Variants in AFG2A observed in about 807,000 individuals in gnomAD.
AFG2A encodes ATPase family gene 2 protein homolog A.
the AFG2A span, among the ~76,000 whole-genome samples, chr4:122,987,061 A>G: frequency 2.0e-5 from 3 of 152,278 alleles, no homozygotes; most frequent in Non-Finnish European, 2.9e-5. Context: ...GACTCTTATC[A>G]TTATATAATG....
chr4:123,274,552 G>A, the AFG2A span, among the ~76,000 whole-genome samples: 1 of 151,200 alleles, frequency 6.6e-6, no homozygotes, highest in Non-Finnish European at 1.5e-5. Context: ...ATCGTTGCTG[G>A]TTTGGGCAAG....
chr4:123,275,608 G>A, the AFG2A span, among the ~76,000 whole-genome samples: 10 of 151,838 alleles, frequency 6.6e-5, no homozygotes, highest in Admixed American at 1.3e-4. Flanking sequence ...TAATAATCAC[G>A]GTATCTGATA....
At chr4:122,992,798 G>A in the AFG2A span, among the ~76,000 whole-genome samples, 2 of 152,156 alleles carry the variant, frequency 1.3e-5, no homozygotes, top group Admixed American at 6.5e-5. Flanking sequence ...TTCTTTTGGA[G>A]CTTCTGAATG....
the AFG2A span, among the ~76,000 whole-genome samples, chr4:123,148,032 A>G: frequency 1.3e-5 from 2 of 152,226 alleles, no homozygotes. Flanking sequence ...GGAGAAAAAA[A>G]GAGCAGTGTA....
the AFG2A span, among the ~76,000 whole-genome samples, chr4:123,007,575 TGTGTGTGTGTGTGTGTGTG>T: frequency 2.6e-4 from 1 of 3,820 alleles, no homozygotes; most frequent in African/African-American, 4.4e-4. Context: ...TATATGTGTG[TGTGTGTGTGTGTGTGTGTG>T]TGTGTGTGTG....
At chr4:123,171,160 C>T in the AFG2A span, among the ~76,000 whole-genome samples, 24 of 152,236 alleles carry the variant, frequency 1.6e-4, no homozygotes, top group Admixed American at 4.6e-4. Context: ...GTCTGGAACA[C>T]GGAAGTAATA....
At chr4:123,286,119 G>A in the AFG2A span, among the ~76,000 whole-genome samples, 1 of 152,186 alleles carries the variant, frequency 6.6e-6, no homozygotes, top group Admixed American at 6.5e-5. Flanking sequence ...TTAAGCATAG[G>A]TTTTCCTAAG....
the AFG2A span, among the ~76,000 whole-genome samples, chr4:123,223,205 C>T: frequency 6.6e-6 from 1 of 152,102 alleles, no homozygotes; most frequent in African/African-American, 2.4e-5. Flanking sequence ...CTTTTATTGC[C>T]TTTTATTTCT....
At chr4:123,082,527 T>A in the AFG2A span, among the ~76,000 whole-genome samples, 2 of 87,122 alleles carry the variant, frequency 2.3e-5, no homozygotes, top group Non-Finnish European at 5.7e-5. Flanking sequence ...TTTTTTCTTT[T>A]TTTTTTTTTT....
the AFG2A span, among the ~76,000 whole-genome samples, chr4:123,048,983 G>A: frequency 1.3e-5 from 2 of 152,102 alleles, no homozygotes; most frequent in South Asian, 4.1e-4. Flanking sequence ...TGTTCCATAT[G>A]ATAGTAGCTA....
chr4:123,139,302 C>A, the AFG2A span, among the ~76,000 whole-genome samples: 2 of 152,080 alleles, frequency 1.3e-5, no homozygotes, highest in Admixed American at 1.3e-4. Flanking sequence ...CAGAAACATT[C>A]ATTAAAACCA....
chr4:123,114,944 C>T, the AFG2A span, among the ~76,000 whole-genome samples: 4 of 152,148 alleles, frequency 2.6e-5, no homozygotes, highest in Admixed American at 6.5e-5. Context: ...TGGTGGGGCG[C>T]GAGGTTGAGG....
chr4:123,038,066 T>C, the AFG2A span, among the ~76,000 whole-genome samples: 1 of 152,112 alleles, frequency 6.6e-6, no homozygotes, highest in Admixed American at 6.6e-5. Context: ...TCACAGTACT[T>C]GTACTTTAAT....
chr4:123,130,366 A>G, the AFG2A span, among the ~76,000 whole-genome samples: 1 of 152,162 alleles, frequency 6.6e-6, no homozygotes, highest in African/African-American at 2.4e-5. Context: ...CCACCAACAC[A>G]ATCACAATGC....
At chr4:122,934,600 A>G in the AFG2A span, 2 of 1,613,986 alleles carry the variant, frequency 1.2e-6, no homozygotes, top group Non-Finnish European at 1.7e-6. Flanking sequence ...TTTTACAGAG[A>G]TTGATAAAAA....
chr4:123,315,354 ATTTTTTTTTT>A, the AFG2A span: 2 of 107,862 alleles, frequency 1.9e-5, no homozygotes, highest in African/African-American at 6.9e-5. Flanking sequence ...TGCCTGGCTA[ATTTTTTTTTT>A]TTTTTTTTTT....
chr4:123,266,626 C>T, the AFG2A span, among the ~76,000 whole-genome samples: 5 of 151,770 alleles, frequency 3.3e-5, no homozygotes, highest in Non-Finnish European at 7.4e-5. Context: ...TTATAAACAT[C>T]TGTAATCCTA....
At chr4:123,074,956 G>A in the AFG2A span, among the ~76,000 whole-genome samples, 1 of 151,932 alleles carries the variant, frequency 6.6e-6, no homozygotes, top group African/African-American at 2.4e-5. Flanking sequence ...TTTTTTGGGG[G>A]CGGTGGGAAC....
the AFG2A span, among the ~76,000 whole-genome samples, chr4:122,923,900 C>T: frequency 7.2e-5 from 11 of 152,258 alleles, no homozygotes; most frequent in South Asian, 4.2e-4. Context: ...TGCTAAGTGG[C>T]AGAGCCGATA....
Sources: gnomAD v4.1 joint callset for allele counts (sites outside exome capture counted in the v4.1 genomes callset) on GRCh38, gnomAD v4.1.1 for gene constraint, MANE v1.5 for transcripts, NCBI Gene and HGNC (gene_info 2026-07-23, HGNC 2026-07-21) for gene names.